PTGR2: variants seen among roughly 807,000 people sequenced by gnomAD.
The protein encoded by PTGR2 is prostaglandin reductase 2, also known as 15-oxoprostaglandin 13-reductase.
In PTGR2, 32 loss-of-function variants were observed where a neutral mutation model predicts 43.4. The observed-to-expected ratio is 0.74, with a 90% CI of 0.56 to 0.99. The LOEUF is 0.99. Ranked by LOEUF, PTGR2 falls within the 50% of genes least tolerant of loss-of-function variation. The pLI is 0.00. For missense variants in PTGR2, 373 were observed against 420.0 expected (o/e 0.89, Z 0.98); for synonymous variants, 106 against 139.2 (o/e 0.76, Z 1.68).
In PTGR2 at chr14:73,881,293, G is replaced by T. The variant is rs1316654356; in HGVS notation, c.939+1G>T. The T allele has an allele frequency of 6.4e-7, 1 of 1,556,402 alleles. No individual in the cohort carries two copies. The highest frequency in any genetic ancestry group is 8.9e-7 in the Non-Finnish European group (1 of 1,128,390). ...GTGGTTTAAAGAAGGAAAGCTAAAGGTAGAACTTCTATTCTTTATCAATAT... is the reference window on the plus strand; with the variant it reads ...GTGGTTTAAAGAAGGAAAGCTAAAGTTAGAACTTCTATTCTTTATCAATAT... On this transcript the variant is annotated splice_donor_variant, in intron 8 of 9. Transcript: ENST00000555661. LOFTEE classifies it high-confidence loss of function.
In PTGR2 at chr14:73,884,192, A is replaced by T; in HGVS notation, c.*15A>T. On this transcript the variant is annotated 3_prime_UTR_variant, in exon 10 of 10. Coordinates refer to ENST00000555661, the MANE Select transcript of PTGR2 (RefSeq NM_001146154.2). ...TCTCTTTGTAATTGCTGTAAATGTCATCAAGGCAATCATAGATTTCTTTTC... is the reference window on the plus strand; with the variant it reads ...TCTCTTTGTAATTGCTGTAAATGTCTTCAAGGCAATCATAGATTTCTTTTC... The T allele has an allele frequency of 6.9e-7, 1 of 1,456,384 alleles. No homozygotes were observed. Among genetic ancestry groups the T allele is most frequent in the South Asian group, 1.2e-5 (1 of 84,298 alleles). The allele number at this position is 1,456,384 out of a possible 1,614,324, so 90.2% of individuals were successfully genotyped here.
chr14:73,866,855 G>T (rs2054606750), intron 3 of PTGR2, among the ~76,000 whole-genome samples: 1 of 151,994 alleles, frequency 6.6e-6, no homozygotes, highest in African/African-American at 2.4e-5. Context: ...TTGGGAGGCT[G>T]AGGCGGGCAG....
intron 3 of PTGR2, among the ~76,000 whole-genome samples, chr14:73,867,046 G>A (rs185288601): frequency 2.7e-5 from 4 of 146,044 alleles, no homozygotes; most frequent in Non-Finnish European, 3.0e-5. Context: ...CCAAGATCGC[G>A]GCATTGCACT....
At chr14:73,882,461 A>G (rs2055012748) in intron 9 of PTGR2, 23 bp downstream of exon 9, 2 of 1,435,264 alleles carry the variant, frequency 1.4e-6, no homozygotes, top group East Asian at 2.3e-5. Flanking sequence ...TAGACTTATT[A>G]TATACACATG....
intron 3 of PTGR2, among the ~76,000 whole-genome samples, chr14:73,860,900 A>T (rs1359341507): frequency 1.3e-5 from 2 of 152,296 alleles, no homozygotes; most frequent in East Asian, 3.8e-4. Context: ...TGTTCAGATT[A>T]CTTCCCAGTA....
Position 73,880,095 on chromosome 14 carries a change from C to G in PTGR2, c.770C>G (p.Ser257Cys). Reference sequence around the variant, plus strand: ...CACATCATCCTGTGTGGTCAAATTTCTCAGTACAACAAAGATGTGCCTTAT... The same window carrying G: ...CACATCATCCTGTGTGGTCAAATTTGTCAGTACAACAAAGATGTGCCTTAT... ...NSHIILCGQISQYNKDVPYPP... is the reference protein window; with the variant it reads ...NSHIILCGQICQYNKDVPYPP... The change falls in exon 7 of 10, where the codon TCT becomes TGT. Residue 257 changes from serine (S) to cysteine (C), a missense_variant. Physicochemically the swap from Ser to Cys is moderately radical, Grantham distance 112 (BLOSUM62 -1). Transcript: ENST00000555661. The G allele has an allele frequency of 6.2e-7, 1 of 1,613,844 alleles. No individual in the cohort carries two copies. The highest frequency in any genetic ancestry group is 8.5e-7 in the Non-Finnish European group (1 of 1,179,802).
Position 73,885,378 on chromosome 14 carries a change from A to C in PTGR2, c.*1201A>C, listed in dbSNP as rs1319772981. On this transcript the variant is annotated 3_prime_UTR_variant, in exon 10 of 10. Transcript: ENST00000555661. ...CAAATGTTTGTAAACATGAATGTTC[A>C]GGAACTACTGATGTACCTCAAAAGT... 1 of 152,260 alleles carries C rather than the reference A, an allele frequency of 6.6e-6. No individual in the cohort carries two copies. The highest frequency in any genetic ancestry group is 1.9e-4 in the East Asian group (1 of 5,204). 9.4% of individuals were successfully genotyped at this position (152,260 alleles called of 1,614,324 possible).
Position 73,860,675 on chromosome 14 carries a change from G to A in PTGR2, c.156+18G>A. The A allele has an allele frequency of 9.0e-7, 1 of 1,109,786 alleles. No individual in the cohort carries two copies. Among genetic ancestry groups the A allele is most frequent in the Non-Finnish European group, 1.3e-6 (1 of 744,112 alleles). 68.7% of individuals were successfully genotyped at this position (1,109,786 alleles called of 1,614,324 possible). On this transcript the variant is annotated intron_variant, in intron 3 of 9. Coordinates refer to ENST00000555661, the MANE Select transcript of PTGR2 (RefSeq NM_001146154.2). ...CTTACATGGTAAGAATCAGGATGTTGTAACTTGGTGAAAAATAACTTTATT... is the reference window on the plus strand; with the variant it reads ...CTTACATGGTAAGAATCAGGATGTTATAACTTGGTGAAAAATAACTTTATT...
At chr14:73,865,175 G>A (rs2054574280) in intron 3 of PTGR2, among the ~76,000 whole-genome samples, 1 of 152,156 alleles carries the variant, frequency 6.6e-6, no homozygotes, top group African/African-American at 2.4e-5. Flanking sequence ...AACCAGAGAA[G>A]CTGGTAGCAT....
rs780693866 is a variant in PTGR2, at chr14:73,877,020, G to T, written c.371G>T (p.Gly124Val). 6.2e-7 allele frequency: 1 copy of T among 1,613,096 alleles called. No homozygotes were observed. Among genetic ancestry groups the T allele is most frequent in the Non-Finnish European group, 8.5e-7 (1 of 1,179,746 alleles). The part of the protein sequence containing the change: ...LEKVDPQLVD[G>V]HLSYFLGAIG... ...TAGGTAGACCCACAACTTGTGGATGGACACCTTTCATATTTTCTTGGAGCT... is the reference window on the plus strand; with the variant it reads ...TAGGTAGACCCACAACTTGTGGATGTACACCTTTCATATTTTCTTGGAGCT... The change falls in exon 5 of 10, where the codon GGA becomes GTA. Residue 124 changes from glycine (G) to valine (V), a missense_variant. Gly to Val is a moderately radical substitution (Grantham distance 109). Transcript: ENST00000555661.
chr14:73,856,148 C>T (rs2054341307), intron 1 of PTGR2, among the ~76,000 whole-genome samples: 1 of 152,158 alleles, frequency 6.6e-6, no homozygotes, highest in African/African-American at 2.4e-5. Flanking sequence ...TTCACATTCC[C>T]TCACCACTCA....
At chr14:73,861,931 G>A (rs953592942) in intron 3 of PTGR2, among the ~76,000 whole-genome samples, 6 of 151,394 alleles carry the variant, frequency 4.0e-5, no homozygotes, top group African/African-American at 1.5e-4. Context: ...AGGCTGGAGT[G>A]CAGTGGCACT....
intron 1 of PTGR2, 29 bp downstream of exon 1, chr14:73,851,972 C>T (rs2054235360): frequency 6.6e-6 from 1 of 152,264 alleles, no homozygotes; most frequent in Non-Finnish European, 1.5e-5. Context: ...GCTCCCGCGA[C>T]TGTGGCTCCC....
At chr14:73,864,917 A>G (rs1441216661) in intron 3 of PTGR2, among the ~76,000 whole-genome samples, 2 of 152,172 alleles carry the variant, frequency 1.3e-5, no homozygotes, top group Admixed American at 1.3e-4. Flanking sequence ...ATTTTCTGCT[A>G]AGAGTTTTAT....
intron 1 of PTGR2, among the ~76,000 whole-genome samples, chr14:73,856,317 C>G (rs1253783765): frequency 6.6e-6 from 1 of 152,058 alleles, no homozygotes; most frequent in African/African-American, 2.4e-5. Context: ...GCAATCTTGG[C>G]TCACTGCAAT....
intron 6 of PTGR2, 124 bp downstream of exon 6, chr14:73,879,429 C>T (rs2054933479): frequency 2.4e-6 from 2 of 844,090 alleles, no homozygotes; most frequent in Non-Finnish European, 3.7e-6. Flanking sequence ...ATGTGATGAT[C>T]AGTATTGTAT....
At chr14:73,856,362 C>T (rs919975207) in intron 1 of PTGR2, among the ~76,000 whole-genome samples, 1 of 152,152 alleles carries the variant, frequency 6.6e-6, no homozygotes, top group Non-Finnish European at 1.5e-5. Flanking sequence ...TCTCCTGCCT[C>T]AGCCTCCCAA....
Position 73,858,897 on chromosome 14 carries a change from C to T in PTGR2, c.35C>T (p.Pro12Leu). The T allele has an allele frequency of 1.2e-6, 2 of 1,610,576 alleles. No individual in the cohort carries two copies. Among genetic ancestry groups the T allele is most frequent in the East Asian group, 4.5e-5 (2 of 44,754 alleles). ...CAAAGAGTGGTATTGAATTCTCGAC[C>T]TGGTATGTATTTGCGATGAATGAAC... ...IVQRVVLNSRPGKNGNPVAEN... is the reference protein window; with the variant it reads ...IVQRVVLNSRLGKNGNPVAEN... The change falls in exon 2 of 10, where the codon CCT (proline) becomes CTT (leucine). Residue 12 changes from proline (P) to leucine (L), a missense_variant and splice_region_variant. Pro to Leu is a moderately conservative substitution (Grantham distance 98). Transcript: ENST00000555661.
rs1344404439 is a variant in PTGR2, at chr14:73,882,827, TTTTTTTTTTTTG to T, written c.979+390_979+401del. Among the ~76,000 whole-genome samples, 10 of 116,072 alleles carry T rather than the reference TTTTTTTTTTTTG, an allele frequency of 8.6e-5. 1 individual carries two copies. The highest frequency in any genetic ancestry group is 1.8e-4 in the Admixed American group (2 of 10,924). The allele number at this position is 116,072 out of a possible 152,430, so 76.1% of individuals were successfully genotyped here. A position where few individuals can be genotyped will look rare whatever the true frequency, so the allele number is the denominator to read the frequency against. On this transcript the variant is annotated intron_variant, in intron 9 of 9. Coordinates refer to ENST00000555661, the MANE Select transcript of PTGR2 (RefSeq NM_001146154.2). ...TTTTTTTTTTTTTTTTTTTTTTTTT[TTTTTTTTTTTTG>T]AGACGGAGTCTTGCTCTGTCTCCCA...
Sources: gnomAD v4.1 joint callset for allele counts (sites outside exome capture counted in the v4.1 genomes callset) on GRCh38, gnomAD v4.1.1 for gene constraint, MANE v1.5 for transcripts, NCBI Gene and HGNC (gene_info 2026-07-23, HGNC 2026-07-21) for gene names.